PDXDC1: variants seen among roughly 807,000 people sequenced by gnomAD.
PDXDC1 encodes pyridoxal dependent decarboxylase domain containing 1, also known as pyridoxal-dependent decarboxylase domain-containing protein 1.
A neutral mutation model predicts 100.1 loss-of-function variants in PDXDC1; 42 were observed. The ratio of observed to expected loss-of-function variants is 0.42; its 90% CI spans 0.33 to 0.54. The LOEUF is 0.54. Among genes scored for constraint, PDXDC1 ranks in the 20% least tolerant of loss-of-function variants. The probability of loss-of-function intolerance (pLI) is 0.10; values close to 1 mark genes in which losing one functional copy is unlikely to be tolerated. For missense variants in PDXDC1, 636 were observed against 979.2 expected, an observed-to-expected ratio of 0.65 and a Z score of 4.68; for synonymous variants, 260 against 371.7, an observed-to-expected ratio of 0.70 and a Z score of 3.46.
intron 1 of PDXDC1, among the ~76,000 whole-genome samples, chr16:14,995,128 T>C (rs1325874163): frequency 1.3e-5 from 2 of 152,298 alleles, no homozygotes; most frequent in Non-Finnish European, 2.9e-5. Flanking sequence ...TGAATACCCT[T>C]TATTTCCTTC....
chr16:15,056,035 C>A, intron 16 of PDXDC1: 2 of 748,762 alleles, frequency 2.7e-6, no homozygotes, highest in African/African-American at 1.9e-5. Flanking sequence ...AGCCCCGGGC[C>A]GCCCGCCGCC....
intron 1 of PDXDC1, among the ~76,000 whole-genome samples, chr16:14,990,953 C>G (rs1027389287): frequency 6.6e-6 from 1 of 152,288 alleles, no homozygotes; most frequent in African/African-American, 2.4e-5. Flanking sequence ...GTTAGCCAAG[C>G]TGGTCTCGAA....
intron 16 of PDXDC1, chr16:15,128,172 C>T (rs747300899): frequency 3.4e-5 from 55 of 1,609,116 alleles, no homozygotes; most frequent in East Asian, 1.1e-4. Context: ...GCTCGCAGGG[C>T]GCCCCAACGC....
intron 1 of PDXDC1, among the ~76,000 whole-genome samples, chr16:14,993,784 C>A (rs1402999982): frequency 2.6e-5 from 4 of 152,300 alleles, no homozygotes; most frequent in Non-Finnish European, 5.9e-5. Flanking sequence ...TCCTATTTCT[C>A]CACATCCTCT....
downstream of PDXDC1, among the ~76,000 whole-genome samples, chr16:15,140,970 T>A (rs1269115305): frequency 1.3e-5 from 2 of 151,766 alleles, no homozygotes; most frequent in Non-Finnish European, 2.9e-5. Context: ...CTAGACTTGC[T>A]CTTCCCAGCA....
chr16:14,986,407 T>C (rs1229915820), intron 1 of PDXDC1, among the ~76,000 whole-genome samples: 165 of 152,348 alleles, frequency 1.1e-3, no homozygotes, highest in African/African-American at 3.6e-3. Context: ...AGGCGGAGGT[T>C]GCAGTGAGCC....
At chr16:14,982,489 G>A (rs1168801512) in intron 1 of PDXDC1, among the ~76,000 whole-genome samples, 3 of 152,278 alleles carry the variant, frequency 2.0e-5, no homozygotes, top group Non-Finnish European at 4.4e-5. Flanking sequence ...CAGGTGTGGT[G>A]GCTCACGCCT....
chr16:15,095,689 TA>T (rs752447499), intron 16 of PDXDC1, among the ~76,000 whole-genome samples: 2 of 151,934 alleles, frequency 1.3e-5, no homozygotes, highest in Non-Finnish European at 2.9e-5. Flanking sequence ...CTGTCTCTAC[TA>T]AAAATACAAA....
chr16:15,093,790 G>A (rs2046236714), intron 16 of PDXDC1, among the ~76,000 whole-genome samples: 2 of 152,126 alleles, frequency 1.3e-5, no homozygotes, highest in Admixed American at 1.3e-4. Flanking sequence ...GAGTGACGAC[G>A]TTCGGCTGAT....
intron 16 of PDXDC1, chr16:15,135,733 A>C: frequency 5.0e-6 from 8 of 1,597,530 alleles, no homozygotes; most frequent in Non-Finnish European, 6.8e-6. Flanking sequence ...ACTCGCTCCC[A>C]TCCAGCACCA....
intron 16 of PDXDC1, chr16:15,047,359 TC>T: frequency 1.1e-6 from 1 of 895,216 alleles, no homozygotes; most frequent in South Asian, 1.4e-5. Context: ...CATCCTGTGT[TC>T]CCCTAACAGC....
intron 16 of PDXDC1, among the ~76,000 whole-genome samples, chr16:15,111,777 AAAT>A (rs1186034699): frequency 1.3e-5 from 2 of 148,310 alleles, no homozygotes; most frequent in Non-Finnish European, 3.0e-5. Context: ...AAAAAAAAAA[AAAT>A]GACATGAATA....
intron 20 of PDXDC1, 36 bp downstream of exon 20, chr16:15,034,414 G>A (rs377667183): frequency 2.0e-5 from 33 of 1,612,936 alleles, no homozygotes; most frequent in Middle Eastern, 3.5e-4. Flanking sequence ...TGGGGGAGCC[G>A]CCGTGAGGCC....
intron 16 of PDXDC1, chr16:15,084,801 C>T (rs1412604033): frequency 3.5e-6 from 3 of 864,786 alleles, no homozygotes; most frequent in East Asian, 2.6e-5. Context: ...CACAGTGGCT[C>T]ACGCCTGTAA....
chr16:15,073,630 T>TC, intron 16 of PDXDC1, among the ~76,000 whole-genome samples: 1 of 152,266 alleles, frequency 6.6e-6, no homozygotes, highest in South Asian at 2.1e-4. Context: ...GAAGAGCAAT[T>TC]CTATCATTCG....
intron 16 of PDXDC1, chr16:15,044,334 T>G (rs1374020317): frequency 2.5e-6 from 4 of 1,602,138 alleles, no homozygotes; most frequent in Non-Finnish European, 3.4e-6. Flanking sequence ...ATGAACTTAC[T>G]AAGAAGTTGA....
At chr16:15,134,377 G>C in intron 16 of PDXDC1, 1 of 636,160 alleles carries the variant, frequency 1.6e-6, no homozygotes, top group South Asian at 1.6e-5. Context: ...CTCCAACACA[G>C]GTCTATTTGG....
chr16:15,101,199 C>A (rs2046533642), intron 16 of PDXDC1, among the ~76,000 whole-genome samples: 1 of 152,186 alleles, frequency 6.6e-6, no homozygotes, highest in East Asian at 1.9e-4. Context: ...CCGTAAATGA[C>A]AGTATTTGCC....
At chr16:15,038,474 A>T, downstream of PDXDC1, 3 of 716,634 alleles carry the variant, frequency 4.2e-6, no homozygotes, top group South Asian at 5.5e-5. Context: ...CTACCCGCCA[A>T]AGGGAAAGCA....
Sources: allele counts gnomAD v4.1 joint callset (sites outside exome capture counted in the v4.1 genomes callset), GRCh38; gene constraint gnomAD v4.1.1; transcripts MANE v1.5; gene names NCBI Gene and HGNC (gene_info 2026-07-23, HGNC 2026-07-21).